Variants in SP100 observed in about 807,000 individuals in gnomAD.
SP100 encodes SP100 nuclear body protein.
In SP100, 84 loss-of-function variants were observed where a neutral mutation model predicts 130.0. The ratio of observed to expected loss-of-function variants is 0.65; its 90% CI spans 0.54 to 0.77. The LOEUF (loss-of-function observed/expected upper bound fraction) is 0.77. Among genes scored for constraint, SP100 ranks in the 30% least tolerant of loss-of-function variants. The probability of loss-of-function intolerance (pLI) is 0.00; values close to 1 mark genes in which losing one functional copy is unlikely to be tolerated. For synonymous variants in SP100, 331 were observed against 351.7 expected (o/e 0.94, Z 0.66); for missense variants, 978 against 1,052.2 (o/e 0.93, Z 0.97).
chr2:230,458,650 G>A (rs1000768054), intron 8 of SP100, among the ~76,000 whole-genome samples: 2 of 152,150 alleles, frequency 1.3e-5, no homozygotes, highest in Non-Finnish European at 2.9e-5. Flanking sequence ...CTGCTTGTCA[G>A]ATTTGCAAAG....
chr2:230,521,645 A>G (rs1691175397), intron 24 of SP100, among the ~76,000 whole-genome samples: 2 of 152,196 alleles, frequency 1.3e-5, no homozygotes, highest in African/African-American at 4.8e-5. Flanking sequence ...TGCAGTGAGC[A>G]GCTGGACCTA....
intron 8 of SP100, among the ~76,000 whole-genome samples, chr2:230,460,468 T>A (rs1467932947): frequency 6.6e-6 from 1 of 152,100 alleles, no homozygotes; most frequent in Non-Finnish European, 1.5e-5. Context: ...TTTTATAAAT[T>A]ACACAACAAG....
chr2:230,454,959 T>G (rs930814150), intron 8 of SP100, among the ~76,000 whole-genome samples: 2 of 152,238 alleles, frequency 1.3e-5, no homozygotes, highest in African/African-American at 2.4e-5. Flanking sequence ...ATTTAGTTGC[T>G]CAAATATTGG....
rs541600314 is a variant in SP100 at position 230,465,802 on chromosome 2, T to G, written c.1142-499T>G. On this transcript the variant is annotated intron_variant, in intron 11 of 28. Coordinates refer to ENST00000340126, the MANE Select transcript of SP100 (RefSeq NM_001080391.2). Reference sequence around the variant, plus strand: ...TCCAAATAATACACACAGAGGATTATGGAGAGAGCTGGGCAGGATCCCAAC... The same window carrying G: ...TCCAAATAATACACACAGAGGATTAGGGAGAGAGCTGGGCAGGATCCCAAC... 2.5e-4 allele frequency among the ~76,000 whole-genome samples: 38 copies of G among 152,210 alleles called. 1 individual carries two copies. In the South Asian group the frequency reaches 7.9e-3, roughly 32 times the overall value.
chr2:230,530,873 C>T (rs190520675), intron 24 of SP100, among the ~76,000 whole-genome samples: 1 of 152,246 alleles, frequency 6.6e-6, no homozygotes, highest in East Asian at 1.9e-4. Context: ...AATGAGATAC[C>T]ATCTCACGCC....
chr2:230,495,016 T>A (rs1559519100), intron 18 of SP100, among the ~76,000 whole-genome samples: 1 of 152,196 alleles, frequency 6.6e-6, no homozygotes, highest in Non-Finnish European at 1.5e-5. Flanking sequence ...AGTCACTGAT[T>A]CCCTTAAATG....
At chr2:230,527,413 C>T (rs1271733333) in intron 24 of SP100, among the ~76,000 whole-genome samples, 1 of 152,208 alleles carries the variant, frequency 6.6e-6, no homozygotes, top group Non-Finnish European at 1.5e-5. Flanking sequence ...CTTACAAGAG[C>T]TCCTGAAGGA....
At chr2:230,446,346 C>A (rs1386871043) in intron 4 of SP100, among the ~76,000 whole-genome samples, 2 of 152,160 alleles carry the variant, frequency 1.3e-5, no homozygotes, top group Non-Finnish European at 2.9e-5. Context: ...TGGGCTCAAG[C>A]AATCCTCCTG....
intron 21 of SP100, 87 bp downstream of exon 21, chr2:230,504,377 G>A: frequency 1.4e-6 from 1 of 735,324 alleles, no homozygotes; most frequent in South Asian, 2.2e-5. Flanking sequence ...TTGCCTTTGA[G>A]GTTCTGCAAA....
chr2:230,491,212 G>C (rs2066374582), intron 17 of SP100, among the ~76,000 whole-genome samples: 1 of 152,172 alleles, frequency 6.6e-6, no homozygotes. Context: ...GTGTGCTTTG[G>C]GGGCGGGGTG....
At chr2:230,468,881 T>A in intron 13 of SP100, 162 bp from the exon 14 acceptor site, 1 of 433,284 alleles carries the variant, frequency 2.3e-6, no homozygotes, top group Non-Finnish European at 4.1e-6. Flanking sequence ...ATTGTGGGTC[T>A]GTGCTCCATT....
intron 21 of SP100, 150 bp from the exon 22 acceptor site, chr2:230,506,153 G>T: frequency 1.4e-6 from 1 of 693,736 alleles, no homozygotes. Context: ...CTTCAGGCTG[G>T]GTATGAAGCC....
intron 24 of SP100, among the ~76,000 whole-genome samples, chr2:230,529,330 A>G (rs1167345081): frequency 6.6e-6 from 1 of 152,258 alleles, no homozygotes; most frequent in Non-Finnish European, 1.5e-5. Flanking sequence ...CAAAAACCAC[A>G]TGATTATCTC....
At position 230,505,868 on chromosome 2, in the gene SP100, C is replaced by T. The variant is rs368307431; in HGVS notation, c.1871-435C>T. On this transcript the variant is annotated intron_variant, in intron 21 of 28. Coordinates refer to ENST00000340126, the MANE Select transcript of SP100 (RefSeq NM_001080391.2). ...AAGGCAGATGTGGCTGTAGTAACAG[C>T]TTCCACATGGCCACTTGGGGACCCA... Among the ~76,000 whole-genome samples, 406 of 152,312 alleles carry T rather than the reference C, an allele frequency of 2.7e-3. 1 individual carries two copies. The highest frequency in any genetic ancestry group is 9.1e-3 in the African/African-American group (378 of 41,570).
At chr2:230,507,182 G>C (rs1477060665) in intron 22 of SP100, 2 of 151,970 alleles carry the variant, frequency 1.3e-5, no homozygotes, top group Non-Finnish European at 2.9e-5. Context: ...AGGGGTCCTG[G>C]GCTTAGTGTA....
Position 230,494,467 on chromosome 2 carries a change from A to G in SP100, c.1645+7A>G. 1 of 1,602,730 alleles carries G rather than the reference A, an allele frequency of 6.2e-7. No homozygotes were observed. The highest frequency in any genetic ancestry group is 8.5e-7 in the Non-Finnish European group (1 of 1,169,666). On this transcript the variant is annotated splice_region_variant and intron_variant, in intron 18 of 28. Coordinates refer to ENST00000340126, the MANE Select transcript of SP100 (RefSeq NM_001080391.2). ...GTAAATGGTCTCCAAAGAGGTAAGA[A>G]GAAATGTGGGGATTTACTCCTTTGA... is the stretch of plus-strand genomic sequence containing the variant.
At chr2:230,427,443 G>A (rs113629136) in intron 2 of SP100, among the ~76,000 whole-genome samples, 2 of 152,246 alleles carry the variant, frequency 1.3e-5, no homozygotes, top group African/African-American at 4.8e-5. Context: ...TTACAGGTGT[G>A]AGCCACTGCG....
chr2:230,444,355 AT>A lies in SP100; in HGVS notation c.439+12del, dbSNP rs1175891269. 4 of 1,605,862 alleles carry A rather than the reference AT, an allele frequency of 2.5e-6. No individual in the cohort carries two copies. In the African/African-American group the frequency reaches 4.0e-5, roughly 16 times the overall value. ...TAAAGGCTTTGAAAATGGTAATTAG[AT>A]TTATTATCTACCTTTTTATTTCCAG... On this transcript the variant is annotated intron_variant, in intron 4 of 28. Coordinates refer to ENST00000340126, the MANE Select transcript of SP100 (RefSeq NM_001080391.2).
chr2:230,529,063 CCTAA>C (rs1040160494), intron 24 of SP100, among the ~76,000 whole-genome samples: 17 of 152,256 alleles, frequency 1.1e-4, no homozygotes, highest in Admixed American at 7.2e-4. Context: ...GGGAATCCTC[CCTAA>C]CTTATTTTAT....
Sources: allele counts gnomAD v4.1 joint callset (sites outside exome capture counted in the v4.1 genomes callset), GRCh38; gene constraint gnomAD v4.1.1; transcripts MANE v1.5; gene names NCBI Gene and HGNC (gene_info 2026-07-23, HGNC 2026-07-21).